The following CYYR1 variants were observed in gnomAD, a reference collection of about 807,000 sequenced individuals.
CYYR1 encodes the protein cysteine and tyrosine rich 1, also known as cysteine and tyrosine-rich protein 1.
CYYR1 carries 14 observed loss-of-function variants against 15.2 expected under a neutral mutation model. The ratio of observed to expected loss-of-function variants is 0.92; its 90% CI spans 0.61 to 1.44. The LOEUF (loss-of-function observed/expected upper bound fraction) is 1.44. Among genes scored for constraint, CYYR1 ranks in the 40% most tolerant of loss-of-function variants. The pLI is 0.00. For synonymous variants in CYYR1, 80 were observed against 77.4 expected, an observed-to-expected ratio of 1.03 and a Z score of -0.18; for missense variants, 228 against 209.5, an observed-to-expected ratio of 1.09 and a Z score of -0.54.
chr21:26,503,229 C>T lies in CYYR1; in HGVS notation c.177-22800G>A, dbSNP rs60178911. ...AGGACATTAGTGAGATAATTTGGAA[C>T]CTGTTCCTGAGTGCGGGACATACTT... On this transcript the variant is annotated intron_variant, in intron 2 of 3. Transcript: ENST00000652641. Among the ~76,000 whole-genome samples, 1,521 of 152,260 alleles carry T rather than the reference C, an allele frequency of 1.0e-2. 27 individuals carry two copies. Among genetic ancestry groups the T allele is most frequent in the African/African-American group, 0.035 (1,455 of 41,544 alleles).
chr21:26,471,357 T>C (rs2065030818), intron 3 of CYYR1: 1 of 152,228 alleles, frequency 6.6e-6, no homozygotes, highest in South Asian at 2.1e-4. Flanking sequence ...CATGAAGCCA[T>C]GGCATGTGTT....
intron 2 of CYYR1, among the ~76,000 whole-genome samples, chr21:26,514,117 G>A: frequency 6.6e-6 from 1 of 151,910 alleles, no homozygotes; most frequent in Admixed American, 6.6e-5. Context: ...TAGAGAGGAT[G>A]ACCTGAGCTG....
chr21:26,573,182 G>T lies in CYYR1; in HGVS notation c.-242C>A. ...GAGACGGGCTGCGCTGGGGGCCCAG[G>T]TCTCTTTGTCTCGCCCCACTGCGCT... is the stretch of plus-strand genomic sequence containing the variant. On this transcript the variant is annotated 5_prime_UTR_variant, in exon 1 of 4. Transcript: ENST00000652641. 1 of 1,468,742 alleles carries T rather than the reference G, an allele frequency of 6.8e-7. No individual in the cohort carries two copies. The allele number at this position is 1,468,742 out of a possible 1,614,324, so 91.0% of individuals were successfully genotyped here.
intron 3 of CYYR1, among the ~76,000 whole-genome samples, chr21:26,478,985 CAT>C (rs2065137740): frequency 6.6e-6 from 1 of 151,960 alleles, no homozygotes; most frequent in Non-Finnish European, 1.5e-5. Context: ...CAAGTTTAGA[CAT>C]GTCAAATTTG....
rs1005134929 is a variant in CYYR1, at chr21:26,468,278, T to C, written c.*223A>G. On this transcript the variant is annotated 3_prime_UTR_variant, in exon 4 of 4. Transcript: ENST00000652641. ...ATGTGCTTAGGTGGATCAGCAGATC[T>C]CTTAAAATGTGGTTCCATAGAACCA... 1.8e-6 allele frequency: 1 copy of C among 554,722 alleles called. No individual in the cohort carries two copies. Among genetic ancestry groups the C allele is most frequent in the African/African-American group, 1.9e-5 (1 of 52,864 alleles). The allele number at this position is 554,722 out of a possible 1,614,324, so 34.4% of individuals were successfully genotyped here. A position where few individuals can be genotyped will look rare whatever the true frequency, so the allele number is the denominator to read the frequency against.
intron 3 of CYYR1, among the ~76,000 whole-genome samples, chr21:26,473,667 C>T (rs939926584): frequency 6.6e-5 from 10 of 152,120 alleles, no homozygotes; most frequent in African/African-American, 2.4e-4. Flanking sequence ...TCTCCTCTGA[C>T]CCTGTCTGTT....
At chr21:26,495,357 G>A (rs1456264276) in intron 2 of CYYR1, among the ~76,000 whole-genome samples, 2 of 152,232 alleles carry the variant, frequency 1.3e-5, no homozygotes, top group East Asian at 3.9e-4. Flanking sequence ...CCAAATATCT[G>A]CGCTAGGCTC....
intron 2 of CYYR1, among the ~76,000 whole-genome samples, chr21:26,504,981 A>G (rs1472488929): frequency 6.6e-6 from 1 of 152,206 alleles, no homozygotes; most frequent in Non-Finnish European, 1.5e-5. Context: ...CCCGAATACA[A>G]ATTAATACAT....
At chr21:26,480,208 T>C in intron 3 of CYYR1, 64 bp downstream of exon 3, 3 of 1,469,332 alleles carry the variant, frequency 2.0e-6, no homozygotes, top group Non-Finnish European at 2.7e-6. Context: ...TGTTTCCTTC[T>C]CTCTGTGAGG....
At chr21:26,494,558 T>C (rs1264963805) in intron 2 of CYYR1, among the ~76,000 whole-genome samples, 2 of 152,180 alleles carry the variant, frequency 1.3e-5, no homozygotes, top group African/African-American at 2.4e-5. Context: ...TGGAAAGATA[T>C]ACTTTTGTCT....
rs1471511424 is a variant in CYYR1 at position 26,566,509 on chromosome 21, A to C, written c.74-141T>G. 11 of 655,444 alleles carry C rather than the reference A, an allele frequency of 1.7e-5. No individual in the cohort carries two copies. In the East Asian group the frequency reaches 3.0e-4, roughly 18 times the overall value. The allele number at this position is 655,444 out of a possible 1,614,324, so 40.6% of individuals were successfully genotyped here. On this transcript the variant is annotated intron_variant, in intron 1 of 3. Coordinates refer to ENST00000652641, the MANE Select transcript of CYYR1 (RefSeq NM_001320768.2). Reference sequence around the variant, plus strand: ...TTCATTTTCGTCCTCAGAATTCAAAAACATTTGTAAGGATCTAAATTAGCC... The same window carrying C: ...TTCATTTTCGTCCTCAGAATTCAAACACATTTGTAAGGATCTAAATTAGCC...
At chr21:26,518,929 A>G (rs1221294834) in intron 2 of CYYR1, among the ~76,000 whole-genome samples, 1 of 152,224 alleles carries the variant, frequency 6.6e-6, no homozygotes, top group Non-Finnish European at 1.5e-5. Context: ...CTGAAGTAGA[A>G]TAGCTTTGGG....
Position 26,468,403 on chromosome 21 carries a change from T to C in CYYR1, c.*98A>G, listed in dbSNP as rs2064993281. Reference sequence around the variant, plus strand: ...TGACACATTATCTGACCCCAAAAAGTATTCCTTGGAGCAATTCTTTCCTGC... The same window carrying C: ...TGACACATTATCTGACCCCAAAAAGCATTCCTTGGAGCAATTCTTTCCTGC... On this transcript the variant is annotated 3_prime_UTR_variant, in exon 4 of 4. Coordinates refer to ENST00000652641, the MANE Select transcript of CYYR1 (RefSeq NM_001320768.2). The C allele has an allele frequency of 2.4e-6, 2 of 842,552 alleles. No individual in the cohort carries two copies. The highest frequency in any genetic ancestry group is 1.7e-5 in the Admixed American group (1 of 58,270). 52.2% of individuals were successfully genotyped at this position (842,552 alleles called of 1,614,324 possible).
chr21:26,479,668 A>T (rs1004670070), intron 3 of CYYR1, among the ~76,000 whole-genome samples: 3 of 151,120 alleles, frequency 2.0e-5, no homozygotes, highest in South Asian at 2.1e-4. Context: ...CTTTGTTGAA[A>T]TTTTTTTTTT....
At chr21:26,533,516 C>T (rs1405590343) in intron 2 of CYYR1, among the ~76,000 whole-genome samples, 4 of 152,102 alleles carry the variant, frequency 2.6e-5, no homozygotes, top group Non-Finnish European at 4.4e-5. Context: ...CACCCCTCCT[C>T]TGCCTTTTTG....
chr21:26,481,052 C>A (rs539948888), intron 2 of CYYR1, among the ~76,000 whole-genome samples: 2 of 151,864 alleles, frequency 1.3e-5, no homozygotes, highest in East Asian at 3.9e-4. Flanking sequence ...GTTTCTTTCC[C>A]GCAGAAAGTT....
At chr21:26,542,036 A>G (rs1161779721) in intron 2 of CYYR1, among the ~76,000 whole-genome samples, 1 of 152,202 alleles carries the variant, frequency 6.6e-6, no homozygotes, top group Non-Finnish European at 1.5e-5. Flanking sequence ...AAATCCCACC[A>G]CATCAGTAGG....
chr21:26,572,267 C>T (rs1360063888), intron 1 of CYYR1, among the ~76,000 whole-genome samples: 4 of 152,196 alleles, frequency 2.6e-5, no homozygotes, highest in Admixed American at 6.5e-5. Flanking sequence ...CACTTTGCTT[C>T]GTTAATTATT....
chr21:26,567,004 G>C (rs1437889762), intron 1 of CYYR1, among the ~76,000 whole-genome samples: 1 of 57,598 alleles, frequency 1.7e-5, no homozygotes, highest in Non-Finnish European at 3.4e-5. Context: ...GTGAGGCTCT[G>C]TCTCAAAAAA....
Sources: gnomAD v4.1 joint callset for allele counts (sites outside exome capture counted in the v4.1 genomes callset) on GRCh38, gnomAD v4.1.1 for gene constraint, MANE v1.5 for transcripts, NCBI Gene and HGNC (gene_info 2026-07-23, HGNC 2026-07-21) for gene names.